Variants in DCDC2C observed in about 807,000 individuals in gnomAD.
DCDC2C encodes the protein doublecortin domain-containing protein 2C.
In DCDC2C, 44 loss-of-function variants were observed where a neutral mutation model predicts 45.0. That is an observed-to-expected ratio of 0.98 (90% confidence interval 0.77 to 1.26). The LOEUF is 1.26. Among genes scored for constraint, DCDC2C ranks in the 50% most tolerant of loss-of-function variants. The probability of loss-of-function intolerance (pLI) is 0.00; values close to 1 mark genes in which losing one functional copy is unlikely to be tolerated. For missense variants in DCDC2C, 447 were observed against 468.9 expected, an observed-to-expected ratio of 0.95 and a Z score of 0.43; for synonymous variants, 187 against 178.8, an observed-to-expected ratio of 1.05 and a Z score of -0.37.
chr2:3,722,728 T>G (rs1668533874), intron 2 of DCDC2C, among the ~76,000 whole-genome samples: 1 of 152,188 alleles, frequency 6.6e-6, no homozygotes, highest in African/African-American at 2.4e-5. Context: ...AAATCCAGAA[T>G]CACATTATTT....
chr2:3,736,452 C>T (rs1669029657), intron 3 of DCDC2C, among the ~76,000 whole-genome samples: 1 of 152,148 alleles, frequency 6.6e-6, no homozygotes, highest in African/African-American at 2.4e-5. Flanking sequence ...GTGGTGGAGT[C>T]CCCTTCAGGT....
intron 10 of DCDC2C, among the ~76,000 whole-genome samples, chr2:3,799,163 C>T (rs997324407): frequency 2.2e-4 from 33 of 152,132 alleles, no homozygotes; most frequent in Non-Finnish European, 3.7e-4. Context: ...TTGATCGCAT[C>T]GGCTCCTGAG....
At chr2:3,731,552 ATCT>A (rs1395282327) in intron 3 of DCDC2C, among the ~76,000 whole-genome samples, 1 of 152,206 alleles carries the variant, frequency 6.6e-6, no homozygotes, top group East Asian at 1.9e-4. Flanking sequence ...ATTAACCATC[ATCT>A]TCTCACTGAT....
intron 10 of DCDC2C, among the ~76,000 whole-genome samples, chr2:3,785,422 GTTTGAA>G (rs1488297555): frequency 5.3e-5 from 8 of 149,692 alleles, no homozygotes; most frequent in African/African-American, 2.0e-4. Context: ...TGGAAAACGC[GTTTGAA>G]TTATCTGGCA....
At chr2:3,756,857 CTT>C (rs1485748822) in intron 6 of DCDC2C, among the ~76,000 whole-genome samples, 1 of 152,100 alleles carries the variant, frequency 6.6e-6, no homozygotes, top group African/African-American at 2.4e-5. Flanking sequence ...TGAATTGACT[CTT>C]ATTATTTTTT....
intron 4 of DCDC2C, among the ~76,000 whole-genome samples, chr2:3,752,389 TAATA>T (rs1669566536): frequency 1.3e-5 from 2 of 152,234 alleles, no homozygotes; most frequent in South Asian, 2.1e-4. Context: ...TATTATTTGC[TAATA>T]AATCCTGGTT....
intron 10 of DCDC2C, among the ~76,000 whole-genome samples, chr2:3,822,019 G>A (rs1197338782): frequency 1.3e-5 from 2 of 152,076 alleles, no homozygotes; most frequent in Non-Finnish European, 2.9e-5. Flanking sequence ...TCTACTAATC[G>A]ACCTTCAGTA....
chr2:3,746,870 A>C (rs1180293139), intron 4 of DCDC2C, among the ~76,000 whole-genome samples: 2 of 152,124 alleles, frequency 1.3e-5, no homozygotes, highest in East Asian at 3.9e-4. Context: ...GAGGTGGCGG[A>C]TCTGTCCTGG....
At chr2:3,787,360 G>A (rs1420669524) in intron 10 of DCDC2C, among the ~76,000 whole-genome samples, 2 of 152,186 alleles carry the variant, frequency 1.3e-5, no homozygotes, top group African/African-American at 4.8e-5. Context: ...TTTCCAACTT[G>A]TGAAATGAGT....
intron 10 of DCDC2C, among the ~76,000 whole-genome samples, chr2:3,789,454 CT>C (rs1670749076): frequency 1.3e-5 from 2 of 152,186 alleles, no homozygotes; most frequent in South Asian, 4.1e-4. Context: ...TGCCATGCCT[CT>C]AATTGTTCTG....
chr2:3,713,223 T>C (rs959174908), intron 2 of DCDC2C, among the ~76,000 whole-genome samples: 16 of 152,328 alleles, frequency 1.1e-4, no homozygotes, highest in Admixed American at 7.8e-4. Context: ...GTAGGAATTT[T>C]TTCTGATAGA....
chr2:3,793,687 A>C (rs1670882722), intron 10 of DCDC2C, among the ~76,000 whole-genome samples: 1 of 152,230 alleles, frequency 6.6e-6, no homozygotes, highest in African/African-American at 2.4e-5. Context: ...ATGAATTCCA[A>C]ATAGCAGGCA....
At chr2:3,736,977 G>A (rs1227215204) in intron 3 of DCDC2C, among the ~76,000 whole-genome samples, 1 of 152,132 alleles carries the variant, frequency 6.6e-6, no homozygotes, top group Non-Finnish European at 1.5e-5. Context: ...GATAAGGCAG[G>A]CAGTCATATT....
intron 10 of DCDC2C, among the ~76,000 whole-genome samples, chr2:3,843,714 T>C (rs1435678897): frequency 6.6e-6 from 1 of 152,224 alleles, no homozygotes; most frequent in Non-Finnish European, 1.5e-5. Context: ...TTCATTTTAC[T>C]AAAAATGCCT....
intron 6 of DCDC2C, among the ~76,000 whole-genome samples, chr2:3,758,121 G>C (rs1669773542): frequency 6.6e-6 from 1 of 152,220 alleles, no homozygotes. Context: ...GAGAAGGGCT[G>C]GTCCTGAAAA....
At chr2:3,747,027 C>G (rs1451533585) in intron 4 of DCDC2C, among the ~76,000 whole-genome samples, 1 of 152,118 alleles carries the variant, frequency 6.6e-6, no homozygotes, top group Non-Finnish European at 1.5e-5. Context: ...CTGGAAAATG[C>G]TGGGAGATAG....
chr2:3,762,438 AG>A (rs1409562573), intron 6 of DCDC2C, among the ~76,000 whole-genome samples: 8 of 152,182 alleles, frequency 5.3e-5, no homozygotes, highest in Non-Finnish European at 1.2e-4. Flanking sequence ...GAATTTATAA[AG>A]AAAAGAGATT....
At chr2:3,717,987 C>G (rs529819647) in intron 2 of DCDC2C, among the ~76,000 whole-genome samples, 16 of 152,326 alleles carry the variant, frequency 1.1e-4, no homozygotes, top group African/African-American at 3.6e-4. Flanking sequence ...CCCATGCTTC[C>G]ATGGCACCCA....
chr2:3,810,536 C>T (rs534667462), intron 10 of DCDC2C, among the ~76,000 whole-genome samples: 2 of 152,266 alleles, frequency 1.3e-5, no homozygotes, highest in Admixed American at 6.5e-5. Flanking sequence ...CTGTAGGTTG[C>T]CTGTGCACTC....
Sources: allele counts gnomAD v4.1 joint callset (sites outside exome capture counted in the v4.1 genomes callset), GRCh38; gene constraint gnomAD v4.1.1; transcripts MANE v1.5; gene names NCBI Gene and HGNC (gene_info 2026-07-23, HGNC 2026-07-21).